Variants in CDC42EP3 observed in about 807,000 individuals in gnomAD.
CDC42EP3 encodes CDC42 effector protein (Rho GTPase binding) 3.
A neutral mutation model predicts 15.5 loss-of-function variants in CDC42EP3; 4 were observed. The observed-to-expected ratio is 0.26, with a 90% CI of 0.13 to 0.59. The LOEUF (loss-of-function observed/expected upper bound fraction) is 0.59. Among genes scored for constraint, CDC42EP3 ranks in the 20% least tolerant of loss-of-function variants. The pLI is 0.89. For synonymous variants in CDC42EP3, 145 were observed against 130.3 expected (o/e 1.11, Z -0.77); for missense variants, 309 against 311.2 (o/e 0.99, Z 0.05).
In CDC42EP3 at chr2:37,645,057, A is replaced by C. The variant is rs1395160501; in HGVS notation, c.*766T>G. The C allele has an allele frequency of 6.6e-6, 1 of 152,330 alleles. No individual in the cohort carries two copies. The allele number at this position is 152,330 out of a possible 1,614,324, so 9.4% of individuals were successfully genotyped here. ...AGAAAAAAAAACTAAGTATGAATAC[A>C]CTTTTCCAAACACGCACATACACAG... On this transcript the variant is annotated 3_prime_UTR_variant, in exon 2 of 2. Coordinates refer to ENST00000295324, the MANE Select transcript of CDC42EP3 (RefSeq NM_006449.5).
At chr2:37,654,283 T>C (rs1665779864) in intron 1 of CDC42EP3, among the ~76,000 whole-genome samples, 2 of 152,040 alleles carry the variant, frequency 1.3e-5, no homozygotes, top group South Asian at 4.1e-4. Flanking sequence ...TCCCCGCATG[T>C]TCAGAGGGAG....
At chr2:37,651,196 T>C (rs1440016515) in intron 1 of CDC42EP3, among the ~76,000 whole-genome samples, 1 of 152,212 alleles carries the variant, frequency 6.6e-6, no homozygotes, top group Non-Finnish European at 1.5e-5. Flanking sequence ...AGAGTATTTC[T>C]GGAAACACAC....
Position 37,653,582 on chromosome 2 carries a change from T to C in CDC42EP3, c.-235-6760A>G, listed in dbSNP as rs1243891101. Among the ~76,000 whole-genome samples the C allele has an allele frequency of 2.6e-5, 4 of 152,268 alleles. No individual in the cohort carries two copies. The East Asian group carries it at 7.7e-4, about 29-fold the overall frequency. On this transcript the variant is annotated intron_variant, in intron 1 of 1. Coordinates refer to ENST00000295324, the MANE Select transcript of CDC42EP3 (RefSeq NM_006449.5). ...GGAGGAAGGGAAAATCAAGCGGTTT[T>C]AAAAAATGACAGACAGAAAAATCAG...
At chr2:37,658,530 T>A (rs965165876) in intron 1 of CDC42EP3, among the ~76,000 whole-genome samples, 2 of 152,190 alleles carry the variant, frequency 1.3e-5, no homozygotes, top group Non-Finnish European at 2.9e-5. Flanking sequence ...TCTACTTTGC[T>A]TCCCTTGTCC....
Position 37,648,697 on chromosome 2 carries a change from C to A in CDC42EP3, c.-235-1875G>T, listed in dbSNP as rs79925998. On this transcript the variant is annotated intron_variant, in intron 1 of 1. Coordinates refer to ENST00000295324, the MANE Select transcript of CDC42EP3 (RefSeq NM_006449.5). ...ATGATCGTGGGTCCTGACACTCGTTCTCATAGTTTTAGCTCTAATTTGGGT... is the reference window on the plus strand; with the variant it reads ...ATGATCGTGGGTCCTGACACTCGTTATCATAGTTTTAGCTCTAATTTGGGT... Among the ~76,000 whole-genome samples the A allele has an allele frequency of 1.4e-4, 22 of 152,352 alleles. 1 individual carries two copies. In the East Asian group the frequency reaches 4.2e-3, roughly 29 times the overall value.
rs1349181386 is a variant in CDC42EP3 at position 37,643,681 on chromosome 2, T to C, written c.*2142A>G. On this transcript the variant is annotated 3_prime_UTR_variant, in exon 2 of 2. Transcript: ENST00000295324. ...AAAATGAAAGACTGAATATGATCAATACTAATTAAAATGGGGGGGAGGTAT... is the reference window on the plus strand; with the variant it reads ...AAAATGAAAGACTGAATATGATCAACACTAATTAAAATGGGGGGGAGGTAT... The C allele has an allele frequency of 6.6e-6, 1 of 152,212 alleles. No homozygotes were observed. Among genetic ancestry groups the C allele is most frequent in the East Asian group, 1.9e-4 (1 of 5,204 alleles). The allele number at this position is 152,212 out of a possible 1,614,324, so 9.4% of individuals were successfully genotyped here.
At chr2:37,668,146 CTCTT>C (rs957191052) in intron 1 of CDC42EP3, among the ~76,000 whole-genome samples, 8 of 152,152 alleles carry the variant, frequency 5.3e-5, no homozygotes, top group Admixed American at 5.2e-4. Context: ...TGAATATGGT[CTCTT>C]TCTTTCTTAA....
At chr2:37,671,825 G>GTGGA (rs1160936900), upstream of CDC42EP3, 2 of 150,750 alleles carry the variant, frequency 1.3e-5, no homozygotes, top group African/African-American at 2.4e-5. Context: ...GCGCGCGGGG[G>GTGGA]GGGGTCACCG....
intron 1 of CDC42EP3, among the ~76,000 whole-genome samples, chr2:37,668,990 A>C (rs1360410731): frequency 6.6e-6 from 1 of 152,170 alleles, no homozygotes; most frequent in African/African-American, 2.4e-5. Context: ...ACTGCATTTA[A>C]AAATAGATTT....
At chr2:37,649,602 G>A (rs988275257) in intron 1 of CDC42EP3, among the ~76,000 whole-genome samples, 6 of 152,042 alleles carry the variant, frequency 3.9e-5, no homozygotes, top group African/African-American at 1.4e-4. Context: ...GGGAGAAAGT[G>A]TGTGCTGCTG....
upstream of CDC42EP3, chr2:37,672,319 C>CG: frequency 6.6e-6 from 1 of 152,588 alleles, no homozygotes. Context: ...CAACTGGACA[C>CG]GCGACGAACA....
At chr2:37,652,047 C>T (rs941788063) in intron 1 of CDC42EP3, among the ~76,000 whole-genome samples, 20 of 151,764 alleles carry the variant, frequency 1.3e-4, no homozygotes, top group African/African-American at 4.3e-4. Flanking sequence ...TGGTGGCAGG[C>T]GCCTGTAGTC....
rs1370093983 is a variant in CDC42EP3 at position 37,671,625 on chromosome 2, G to A, written c.-435C>T. On this transcript the variant is annotated 5_prime_UTR_variant, in exon 1 of 2. Transcript: ENST00000295324. Reference sequence around the variant, plus strand: ...CCGCGCTGCGGTCCCCCGGCCGCGAGAGAAGGTGCGCGCGACTGAGCGCGG... The same window carrying A: ...CCGCGCTGCGGTCCCCCGGCCGCGAAAGAAGGTGCGCGCGACTGAGCGCGG... 1.3e-5 allele frequency: 2 copies of A among 152,518 alleles called. No homozygotes were observed. The highest frequency in any genetic ancestry group is 4.8e-5 in the African/African-American group (2 of 41,364). The allele number at this position is 152,518 out of a possible 1,614,324, so 9.4% of individuals were successfully genotyped here. A position where few individuals can be genotyped will look rare whatever the true frequency, so the allele number is the denominator to read the frequency against.
At chr2:37,661,855 G>T (rs1418536074) in intron 1 of CDC42EP3, among the ~76,000 whole-genome samples, 1 of 152,122 alleles carries the variant, frequency 6.6e-6, no homozygotes, top group Non-Finnish European at 1.5e-5. Flanking sequence ...GTTATTATCT[G>T]TTTATATATC....
chr2:37,662,790 CAG>C (rs1422156566), intron 1 of CDC42EP3, among the ~76,000 whole-genome samples: 1 of 152,236 alleles, frequency 6.6e-6, no homozygotes, highest in Non-Finnish European at 1.5e-5. Context: ...AGCAAGAAAA[CAG>C]GCTCTAGTTG....
At chr2:37,662,322 G>A (rs1217662391) in intron 1 of CDC42EP3, among the ~76,000 whole-genome samples, 3 of 152,116 alleles carry the variant, frequency 2.0e-5, no homozygotes, top group African/African-American at 7.2e-5. Context: ...CAAAGCACCT[G>A]GCAGGCAATG....
chr2:37,648,745 A>T (rs1218221281), intron 1 of CDC42EP3, among the ~76,000 whole-genome samples: 1 of 152,074 alleles, frequency 6.6e-6, no homozygotes, highest in Non-Finnish European at 1.5e-5. Flanking sequence ...ACAAAAGTTG[A>T]AGCCCATGTT....
Position 37,646,093 on chromosome 2 carries a change from G to A in CDC42EP3, c.495C>T (p.Val165=), listed in dbSNP as rs373474266. The part of the protein sequence containing the change: ...EKSSLLENGT[V]HQGDTSWGSS... Reference sequence around the variant, plus strand: ...AGCCCCACGAGGTGTCTCCCTGGTGGACTGTCCCATTCTCCAACAGACTGC... The same window carrying A: ...AGCCCCACGAGGTGTCTCCCTGGTGAACTGTCCCATTCTCCAACAGACTGC... Residue 165 remains valine (V), a synonymous_variant, in exon 2 of 2, where the codon GTC becomes GTT. Coordinates refer to ENST00000295324, the MANE Select transcript of CDC42EP3 (RefSeq NM_006449.5). 8 of 1,614,086 alleles carry A rather than the reference G, an allele frequency of 5.0e-6. No homozygotes were observed. The African/African-American group carries it at 1.1e-4, about 22-fold the overall frequency.
intron 1 of CDC42EP3, among the ~76,000 whole-genome samples, chr2:37,656,968 A>T (rs1425719415): frequency 1.4e-5 from 2 of 142,180 alleles, no homozygotes; most frequent in Non-Finnish European, 3.0e-5. Context: ...TTTGAATTGT[A>T]AAGTAACAAA....
Sources: allele counts gnomAD v4.1 joint callset (sites outside exome capture counted in the v4.1 genomes callset), GRCh38; gene constraint gnomAD v4.1.1; transcripts MANE v1.5; gene names NCBI Gene and HGNC (gene_info 2026-07-23, HGNC 2026-07-21).